ADK: variants seen among roughly 807,000 people sequenced by gnomAD.
ADK encodes the protein N6,N6-dimethyladenosine kinase.
In ADK, 24 loss-of-function variants were observed where a neutral mutation model predicts 44.7. The ratio of observed to expected loss-of-function variants is 0.54; its 90% CI spans 0.39 to 0.76. ADK has a LOEUF of 0.76. Ranked by LOEUF, ADK falls within the 30% of genes least tolerant of loss-of-function variation. ADK has a pLI of 0.00. For missense variants in ADK, 321 were observed against 425.1 expected, an observed-to-expected ratio of 0.76 and a Z score of 2.15; for synonymous variants, 128 against 142.6, an observed-to-expected ratio of 0.90 and a Z score of 0.73.
chr10:74,213,010 T>C (rs1030909359), intron 2 of ADK, among the ~76,000 whole-genome samples: 2 of 152,128 alleles, frequency 1.3e-5, no homozygotes, highest in Admixed American at 6.5e-5. Context: ...AAAGATTGAA[T>C]TGAGTTTTGT....
chr10:74,295,256 G>A (rs1839771081), intron 3 of ADK, among the ~76,000 whole-genome samples: 2 of 150,748 alleles, frequency 1.3e-5, no homozygotes, highest in Non-Finnish European at 3.0e-5. Context: ...GAGGTCAGGA[G>A]TTCGAGACCA....
In ADK at chr10:74,670,426, A is replaced by AT. The variant is rs1163938699; in HGVS notation, c.964+159dup. ...TCCATATACTTCTATCATTGTCAGTATTAGAGGGTTTTACCAGAGGAAAAA... is the reference window on the plus strand; with the variant it reads ...TCCATATACTTCTATCATTGTCAGTATTTAGAGGGTTTTACCAGAGGAAAAA... On this transcript the variant is annotated intron_variant, in intron 10 of 10. Coordinates refer to ENST00000539909, the MANE Select transcript of ADK (RefSeq NM_006721.4). Among the ~76,000 whole-genome samples the AT allele has an allele frequency of 2.6e-5, 4 of 152,312 alleles. No homozygotes were observed. The East Asian group carries it at 7.7e-4, about 29-fold the overall frequency.
rs558691893 is a variant in ADK, at chr10:74,256,880, CAT to C, written c.194+32290_194+32291del. 2.2e-3 allele frequency among the ~76,000 whole-genome samples: 330 copies of C among 152,238 alleles called. 2 individuals carry two copies. The highest frequency in any genetic ancestry group is 7.5e-3 in the African/African-American group (312 of 41,540). ...GAAGGAATCATTGTAGAAGTACAGA[CAT>C]TTATAGAAAATTTTTTACCTCTCTG... On this transcript the variant is annotated intron_variant, in intron 3 of 10. Transcript: ENST00000539909.
chr10:74,573,947 C>T (rs1851073695), intron 7 of ADK, among the ~76,000 whole-genome samples: 1 of 152,220 alleles, frequency 6.6e-6, no homozygotes, highest in Admixed American at 6.5e-5. Flanking sequence ...CTCCCTGACC[C>T]CTTGCGCTTC....
chr10:74,623,409 AGCAT>A (rs1341481947), intron 9 of ADK, among the ~76,000 whole-genome samples: 2 of 152,116 alleles, frequency 1.3e-5, no homozygotes, highest in Non-Finnish European at 2.9e-5. Context: ...AGTAGGATAA[AGCAT>A]CTTTATCCTA....
At chr10:74,219,158 A>G (rs1220814421) in intron 2 of ADK, among the ~76,000 whole-genome samples, 1 of 152,042 alleles carries the variant, frequency 6.6e-6, no homozygotes, top group Non-Finnish European at 1.5e-5. Context: ...GGCTCAAAAT[A>G]AAAGGATGGA....
chr10:74,578,064 C>G (rs1180779867), intron 7 of ADK, among the ~76,000 whole-genome samples: 1 of 151,918 alleles, frequency 6.6e-6, no homozygotes, highest in East Asian at 1.9e-4. Flanking sequence ...GATTATCACA[C>G]CTTGACAACT....
intron 3 of ADK, among the ~76,000 whole-genome samples, chr10:74,308,552 T>C (rs1395782949): frequency 6.6e-6 from 1 of 152,202 alleles, no homozygotes; most frequent in Non-Finnish European, 1.5e-5. Flanking sequence ...TATTAACATT[T>C]GATCTTAATA....
chr10:74,215,637 TAACTTTATATAATACTGATAAATCACTC>T (rs1395079424), intron 2 of ADK, among the ~76,000 whole-genome samples: 4 of 150,364 alleles, frequency 2.7e-5, no homozygotes, highest in African/African-American at 9.8e-5. Flanking sequence ...TGATTTTTAA[TAACTTTATATAATACTGATAAATCACTC>T]TTTTTTTTTT....
intron 7 of ADK, among the ~76,000 whole-genome samples, chr10:74,561,206 A>C (rs1051751737): frequency 2.6e-5 from 4 of 152,158 alleles, no homozygotes; most frequent in African/African-American, 9.7e-5. Context: ...GAGTTTGTGA[A>C]TCTGTCTGCC....
At chr10:74,635,226 A>C (rs1286974552) in intron 9 of ADK, among the ~76,000 whole-genome samples, 1 of 152,246 alleles carries the variant, frequency 6.6e-6, no homozygotes, top group Non-Finnish European at 1.5e-5. Context: ...GATGAAGAGA[A>C]GATATTGAAG....
chr10:74,231,289 T>C (rs543425794), intron 3 of ADK, among the ~76,000 whole-genome samples: 24 of 152,278 alleles, frequency 1.6e-4, no homozygotes, highest in Admixed American at 1.5e-3. Flanking sequence ...TTAAATAGAA[T>C]TAGTTTTTTC....
intron 4 of ADK, among the ~76,000 whole-genome samples, chr10:74,356,920 A>C (rs1842166199): frequency 6.6e-6 from 1 of 152,052 alleles, no homozygotes; most frequent in African/African-American, 2.4e-5. Flanking sequence ...AAGGATAATA[A>C]AAATAAAAGA....
Position 74,570,417 on chromosome 10 carries a change from T to C in ADK, c.727-18865T>C, listed in dbSNP as rs1850907854. On this transcript the variant is annotated intron_variant, in intron 7 of 10. Coordinates refer to ENST00000539909, the MANE Select transcript of ADK (RefSeq NM_006721.4). ...CTTCCTACCCATGAGCATGGAATGT[T>C]CTTCCATTTGTTTGTATCCTCTTTT... is the stretch of plus-strand genomic sequence containing the variant. Among the ~76,000 whole-genome samples, 3 of 152,282 alleles carry C rather than the reference T, an allele frequency of 2.0e-5. No individual in the cohort carries two copies. In the South Asian group the frequency reaches 6.2e-4, roughly 32 times the overall value.
At chr10:74,470,142 A>C (rs144040727) in intron 6 of ADK, among the ~76,000 whole-genome samples, 337 of 150,398 alleles carry the variant, frequency 2.2e-3, no homozygotes, top group African/African-American at 7.8e-3. Flanking sequence ...CTCCTGCCTC[A>C]GCCTCCGGAG....
intron 3 of ADK, among the ~76,000 whole-genome samples, chr10:74,274,297 C>T (rs1846567718): frequency 6.6e-6 from 1 of 152,132 alleles, no homozygotes; most frequent in Non-Finnish European, 1.5e-5. Flanking sequence ...CGTGGTAGCT[C>T]ACACCTGTAA....
chr10:74,377,956 T>C (rs1039631862), intron 4 of ADK, among the ~76,000 whole-genome samples: 1 of 152,188 alleles, frequency 6.6e-6, no homozygotes, highest in African/African-American at 2.4e-5. Flanking sequence ...GGTGATCCTC[T>C]TCAGTGACTA....
At chr10:74,621,924 G>A (rs1002622451) in intron 9 of ADK, among the ~76,000 whole-genome samples, 1 of 152,002 alleles carries the variant, frequency 6.6e-6, no homozygotes, top group Non-Finnish European at 1.5e-5. Flanking sequence ...TGAAATCCTG[G>A]TGTTTTTATG....
chr10:74,377,476 C>T (rs1450780657), intron 4 of ADK, among the ~76,000 whole-genome samples: 1 of 152,140 alleles, frequency 6.6e-6, no homozygotes, highest in Non-Finnish European at 1.5e-5. Flanking sequence ...GTCCCATGTT[C>T]GCTTTGGAAT....
Sources: gnomAD v4.1 joint callset for allele counts (sites outside exome capture counted in the v4.1 genomes callset) on GRCh38, gnomAD v4.1.1 for gene constraint, MANE v1.5 for transcripts, NCBI Gene and HGNC (gene_info 2026-07-23, HGNC 2026-07-21) for gene names.